The following ARHGEF4 variants were observed in gnomAD, a reference collection of about 807,000 sequenced individuals.
ARHGEF4 encodes the protein APC-stimulated guanine nucleotide exchange factor 1.
ARHGEF4 carries 119 observed loss-of-function variants against 162.0 expected under a neutral mutation model. That is an observed-to-expected ratio of 0.73 (90% CI 0.63 to 0.86). The LOEUF is 0.86. ARHGEF4 is among the 40% of genes least tolerant of loss of function. The pLI is 0.00. For synonymous variants in ARHGEF4, 1,014 were observed against 979.9 expected, an observed-to-expected ratio of 1.03 and a Z score of -0.65; for missense variants, 2,488 against 2,456.0, an observed-to-expected ratio of 1.01 and a Z score of -0.28.
chr2:130,912,845 T>C (rs1440884758), intron 1 of ARHGEF4, among the ~76,000 whole-genome samples: 1 of 152,182 alleles, frequency 6.6e-6, no homozygotes, highest in Non-Finnish European at 1.5e-5. Context: ...AAGTTTCAGT[T>C]ACCTGAGGTC....
At chr2:131,001,333 A>C (rs1199086358) in intron 4 of ARHGEF4, among the ~76,000 whole-genome samples, 6 of 150,456 alleles carry the variant, frequency 4.0e-5, no homozygotes, top group African/African-American at 1.5e-4. Flanking sequence ...AAAAAACAGA[A>C]AGAGCTGAAG....
At chr2:131,044,587 G>T in intron 12 of ARHGEF4, 45 bp downstream of exon 12, 1 of 1,527,864 alleles carries the variant, frequency 6.5e-7, no homozygotes. Context: ...GGGCCCACCC[G>T]GCGCTCCCGC....
chr2:130,947,267 GC>G (rs1396756670), intron 4 of ARHGEF4: 1 of 152,498 alleles, frequency 6.6e-6, no homozygotes, highest in African/African-American at 2.4e-5. Context: ...GGTGGTGCAT[GC>G]CTGTAATCTC....
At chr2:130,894,783 G>A (rs1289471893) in intron 1 of ARHGEF4, among the ~76,000 whole-genome samples, 1 of 152,030 alleles carries the variant, frequency 6.6e-6, no homozygotes, top group Non-Finnish European at 1.5e-5. Context: ...TCCTGTGGCG[G>A]GAGGTTGGGC....
At chr2:131,035,093 T>C (rs1228385564) in intron 5 of ARHGEF4, 1 of 1,067,124 alleles carries the variant, frequency 9.4e-7, no homozygotes, top group Non-Finnish European at 1.1e-6. Flanking sequence ...CCGGGCGCCA[T>C]GGCGAGGGCC....
chr2:130,857,147 G>T (rs1180759145), intron 1 of ARHGEF4, among the ~76,000 whole-genome samples: 1 of 152,208 alleles, frequency 6.6e-6, no homozygotes, highest in Non-Finnish European at 1.5e-5. Context: ...CAGAAGAATG[G>T]CATGAACCCG....
chr2:130,946,498 T>C lies in ARHGEF4; in HGVS notation c.3859-11T>C. 1 of 1,603,708 alleles carries C rather than the reference T, an allele frequency of 6.2e-7. No individual in the cohort carries two copies. The highest frequency in any genetic ancestry group is 8.5e-7 in the Non-Finnish European group (1 of 1,174,058). On this transcript the variant is annotated splice_polypyrimidine_tract_variant and intron_variant, in intron 3 of 13. Transcript: ENST00000409359. The stretch of plus-strand genomic sequence containing the variant: ...CTTCATTTGCCCTCTGTCTCTTTCC[T>C]CCTCTTCCAGTGCTGGAGAAAGACG...
chr2:131,014,548 A>G (rs1688657798), intron 4 of ARHGEF4, among the ~76,000 whole-genome samples: 2 of 152,210 alleles, frequency 1.3e-5, no homozygotes, highest in South Asian at 4.1e-4. Flanking sequence ...ATCCATGAAC[A>G]CAGAATGTCT....
chr2:130,997,052 T>C (rs1482016634), intron 4 of ARHGEF4, among the ~76,000 whole-genome samples: 2 of 152,358 alleles, frequency 1.3e-5, no homozygotes, highest in Admixed American at 1.3e-4. Context: ...AATCGAGCAA[T>C]CACTATTGCT....
chr2:130,917,930 C>A (rs1417712298), intron 2 of ARHGEF4, among the ~76,000 whole-genome samples: 6 of 150,814 alleles, frequency 4.0e-5, no homozygotes, highest in African/African-American at 1.5e-4. Flanking sequence ...TCAGGCAATT[C>A]TCTGCCTCAG....
At chr2:130,886,688 A>C (rs915874385) in intron 1 of ARHGEF4, among the ~76,000 whole-genome samples, 2 of 151,974 alleles carry the variant, frequency 1.3e-5, no homozygotes, top group African/African-American at 2.4e-5. Flanking sequence ...CTCAAAAAAA[A>C]AAAAAAAGGT....
intron 1 of ARHGEF4, among the ~76,000 whole-genome samples, chr2:130,881,771 A>T (rs531444140): frequency 6.6e-6 from 1 of 152,118 alleles, no homozygotes; most frequent in Non-Finnish European, 1.5e-5. Flanking sequence ...TCCAGAGCAG[A>T]TGGTGATGCC....
intron 1 of ARHGEF4, among the ~76,000 whole-genome samples, chr2:130,911,777 C>A (rs1400961214): frequency 6.6e-6 from 1 of 152,210 alleles, no homozygotes; most frequent in Non-Finnish European, 1.5e-5. Flanking sequence ...CCCCTCCCCC[C>A]AGCAAGACGC....
chr2:131,024,656 G>A (rs1558866889), intron 4 of ARHGEF4, among the ~76,000 whole-genome samples: 1 of 152,148 alleles, frequency 6.6e-6, no homozygotes, highest in South Asian at 2.1e-4. Context: ...TTTTAGATGT[G>A]TATCGTGGTT....
intron 2 of ARHGEF4, 76 bp downstream of exon 2, chr2:130,917,574 C>A: frequency 6.8e-7 from 1 of 1,461,836 alleles, no homozygotes. Flanking sequence ...GGGAATCTTC[C>A]TGAGGGGAGA....
chr2:131,030,570 C>T (rs1233600735), intron 5 of ARHGEF4, among the ~76,000 whole-genome samples: 1 of 152,222 alleles, frequency 6.6e-6, no homozygotes, highest in African/African-American at 2.4e-5. Context: ...CCGTCTCCTG[C>T]GATGCTGCAG....
intron 4 of ARHGEF4, among the ~76,000 whole-genome samples, chr2:131,019,921 A>G (rs545338639): frequency 6.6e-6 from 1 of 152,220 alleles, no homozygotes; most frequent in African/African-American, 2.4e-5. Context: ...GGCGTGAGCC[A>G]CCATGCCTGG....
At chr2:130,970,064 A>G (rs1179829951) in intron 4 of ARHGEF4, among the ~76,000 whole-genome samples, 2 of 152,132 alleles carry the variant, frequency 1.3e-5, no homozygotes, top group Non-Finnish European at 2.9e-5. Context: ...GATTGTTCCT[A>G]CTTTTAGGGT....
intron 4 of ARHGEF4, among the ~76,000 whole-genome samples, chr2:130,995,837 A>G (rs1281313225): frequency 6.6e-6 from 1 of 151,406 alleles, no homozygotes; most frequent in Non-Finnish European, 1.5e-5. Context: ...GCACTCTTGC[A>G]TCCAGTTGCT....
Sources: gnomAD v4.1 joint callset for allele counts (sites outside exome capture counted in the v4.1 genomes callset) on GRCh38, gnomAD v4.1.1 for gene constraint, MANE v1.5 for transcripts, NCBI Gene and HGNC (gene_info 2026-07-23, HGNC 2026-07-21) for gene names.